RYR3: variants seen among roughly 807,000 people sequenced by gnomAD.
The protein encoded by RYR3 is ryanodine receptor 3, also known as brain ryanodine receptor-calcium release channel.
A neutral mutation model predicts 584.3 loss-of-function variants in RYR3; 207 were observed. The ratio of observed to expected loss-of-function variants is 0.35; its 90% confidence interval spans 0.32 to 0.40. The LOEUF (loss-of-function observed/expected upper bound fraction) is 0.40. RYR3 is among the 10% of genes least tolerant of loss of function. The pLI, the probability that RYR3 is intolerant of heterozygous loss-of-function variation, is 1.00. For synonymous variants in RYR3, 2,416 were observed against 2,248.5 expected, an observed-to-expected ratio of 1.07 and a Z score of -2.11; for missense variants, 5,616 against 6,089.2, an observed-to-expected ratio of 0.92 and a Z score of 2.59.
chr15:33,594,395 T>C (rs1342805180), intron 16 of RYR3, among the ~76,000 whole-genome samples: 1 of 152,196 alleles, frequency 6.6e-6, no homozygotes, highest in African/African-American at 2.4e-5. Flanking sequence ...GAAACAAATA[T>C]GCTCCAAATT....
chr15:33,396,920 AAC>A (rs1288913564), intron 1 of RYR3, among the ~76,000 whole-genome samples: 1 of 152,194 alleles, frequency 6.6e-6, no homozygotes, highest in Non-Finnish European at 1.5e-5. Flanking sequence ...ATGACCAAAT[AAC>A]ACAAGCCAAC....
intron 20 of RYR3, among the ~76,000 whole-genome samples, chr15:33,625,307 A>G (rs570433698): frequency 6.6e-6 from 1 of 152,320 alleles, no homozygotes; most frequent in South Asian, 2.1e-4. Context: ...GGGAATTACA[A>G]TTCGAGATGA....
intron 18 of RYR3, among the ~76,000 whole-genome samples, chr15:33,609,018 G>C (rs574104279): frequency 2.4e-4 from 37 of 152,324 alleles, no homozygotes; most frequent in African/African-American, 7.9e-4. Flanking sequence ...CATGAAAGCT[G>C]CTCTTTGTCT....
intron 1 of RYR3, among the ~76,000 whole-genome samples, chr15:33,447,916 T>A (rs1016338784): frequency 6.6e-6 from 1 of 152,206 alleles, no homozygotes; most frequent in Non-Finnish European, 1.5e-5. Context: ...TGAGGCTCAG[T>A]GAATTAAGTA....
At chr15:33,774,638 G>A (rs1002011661) in intron 64 of RYR3, among the ~76,000 whole-genome samples, 3 of 152,088 alleles carry the variant, frequency 2.0e-5, no homozygotes, top group South Asian at 2.1e-4. Context: ...TCATAATCAC[G>A]GCTTCTAAAT....
Position 33,405,934 on chromosome 15 carries a change from T to G in RYR3, c.52-67485T>G, listed in dbSNP as rs181586371. 1.3e-3 allele frequency among the ~76,000 whole-genome samples: 201 copies of G among 152,340 alleles called. 1 individual carries two copies. The highest frequency in any genetic ancestry group is 6.8e-3 in the Middle Eastern group (2 of 294). On this transcript the variant is annotated intron_variant, in intron 1 of 103. Transcript: ENST00000634891. ...TAGGCCCATAGCATCCTCACAGGTG[T>G]ATATCATGGAGAAAAGAATGTGTCA...
chr15:33,584,527 A>G, intron 15 of RYR3, 37 bp downstream of exon 15: 1 of 963,696 alleles, frequency 1.0e-6, no homozygotes, highest in Non-Finnish European at 1.6e-6. Flanking sequence ...AGAAAAGATG[A>G]AGGGTTTTTT....
At chr15:33,826,650 A>G (rs1015507890) in intron 83 of RYR3, 22 bp from the exon 84 acceptor site, 1 of 1,598,426 alleles carries the variant, frequency 6.3e-7, no homozygotes, top group South Asian at 1.1e-5. Context: ...ACCAATGCTC[A>G]TCAACGTTCT....
chr15:33,438,769 CCTGAAA>C (rs1488001579), intron 1 of RYR3, among the ~76,000 whole-genome samples: 13 of 151,744 alleles, frequency 8.6e-5, no homozygotes, highest in African/African-American at 2.4e-4. Flanking sequence ...ATAATTTTCT[CCTGAAA>C]CTGATAGAGT....
chr15:33,458,527 A>G (rs758099869), intron 1 of RYR3, among the ~76,000 whole-genome samples: 1 of 152,188 alleles, frequency 6.6e-6, no homozygotes, highest in Admixed American at 6.5e-5. Flanking sequence ...TTGTGTGTGT[A>G]TATCTCCTAT....
At chr15:33,705,627 C>T (rs889366446) in intron 42 of RYR3, among the ~76,000 whole-genome samples, 4 of 152,176 alleles carry the variant, frequency 2.6e-5, no homozygotes, top group African/African-American at 9.7e-5. Context: ...TCTGTAAGAT[C>T]CTAGCACAGA....
chr15:33,728,254 G>A (rs148930483), intron 46 of RYR3, among the ~76,000 whole-genome samples: 55 of 152,298 alleles, frequency 3.6e-4, no homozygotes, highest in African/African-American at 1.3e-3. Context: ...TGAACACAGA[G>A]TTGGGAAGAA....
At position 33,673,641 on chromosome 15, in the gene RYR3, A is replaced by G. The variant is rs905464564; in HGVS notation, c.5860+3085A>G. The stretch of plus-strand genomic sequence containing the variant: ...GCAGCATTTCCTTCAATGTAAATAT[A>G]TAGGCATTGAATTATTCTTCCAGAA... On this transcript the variant is annotated intron_variant, in intron 38 of 103. Coordinates refer to ENST00000634891, the MANE Select transcript of RYR3 (RefSeq NM_001036.6). 3.3e-5 allele frequency among the ~76,000 whole-genome samples: 5 copies of G among 152,352 alleles called. No homozygotes were observed. The South Asian group carries it at 1.0e-3, about 32-fold the overall frequency.
At chr15:33,387,906 T>C (rs538737136) in intron 1 of RYR3, among the ~76,000 whole-genome samples, 10 of 152,052 alleles carry the variant, frequency 6.6e-5, no homozygotes, top group Middle Eastern at 3.4e-3. Context: ...AGAGAATAAG[T>C]CTAGGCGGAC....
intron 67 of RYR3, among the ~76,000 whole-genome samples, chr15:33,795,894 A>G (rs1310319843): frequency 6.6e-6 from 1 of 152,094 alleles, no homozygotes; most frequent in African/African-American, 2.4e-5. Context: ...AGTCAGAAAT[A>G]TTTGGAACTT....
intron 36 of RYR3, among the ~76,000 whole-genome samples, chr15:33,665,902 A>C (rs1405169535): frequency 6.6e-6 from 1 of 152,264 alleles, no homozygotes; most frequent in Non-Finnish European, 1.5e-5. Flanking sequence ...TTCAGAAGTC[A>C]GTAACTCAAG....
intron 18 of RYR3, among the ~76,000 whole-genome samples, chr15:33,606,246 T>C (rs1209133052): frequency 6.6e-6 from 1 of 152,120 alleles, no homozygotes; most frequent in East Asian, 1.9e-4. Flanking sequence ...CTTATGAAAT[T>C]TAAATAAGAA....
intron 38 of RYR3, among the ~76,000 whole-genome samples, chr15:33,680,242 A>G (rs1053993857): frequency 6.6e-6 from 1 of 152,370 alleles, no homozygotes; most frequent in South Asian, 2.1e-4. Context: ...TGAAATGAGT[A>G]TACAAAGCAT....
At chr15:33,611,292 C>T (rs749463895) in intron 18 of RYR3, among the ~76,000 whole-genome samples, 1 of 152,052 alleles carries the variant, frequency 6.6e-6, no homozygotes, top group Non-Finnish European at 1.5e-5. Flanking sequence ...CGCGGTGGCT[C>T]ACGCCTGTAA....
Sources: gnomAD v4.1 joint callset for allele counts (sites outside exome capture counted in the v4.1 genomes callset) on GRCh38, gnomAD v4.1.1 for gene constraint, MANE v1.5 for transcripts, NCBI Gene and HGNC (gene_info 2026-07-23, HGNC 2026-07-21) for gene names.